The following CYSLTR2 variants were observed in gnomAD, a reference collection of about 807,000 sequenced individuals.
CYSLTR2 encodes cysteinyl leukotriene receptor 2, also known as G-protein coupled receptor GPCR21.
For synonymous variants in CYSLTR2, 179 were observed against 160.8 expected (o/e 1.11, Z -0.86); for missense variants, 398 against 411.9 (o/e 0.97, Z 0.29).
intron 1 of CYSLTR2, among the ~76,000 whole-genome samples, chr13:48,657,538 GA>G (rs1202475915): frequency 2.0e-5 from 3 of 151,864 alleles, no homozygotes; most frequent in African/African-American, 7.3e-5. Context: ...TGGAAAAGGA[GA>G]GAGGAAAAGA....
chr13:48,686,559 A>G (rs1293297371), intron 1 of CYSLTR2, among the ~76,000 whole-genome samples: 1 of 152,166 alleles, frequency 6.6e-6, no homozygotes, highest in African/African-American at 2.4e-5. Flanking sequence ...AGCAATGAAA[A>G]TATGTCCCGC....
intron 1 of CYSLTR2, among the ~76,000 whole-genome samples, chr13:48,660,502 G>A (rs78238723): frequency 0.06 from 9,106 of 152,176 alleles, 323 homozygotes; most frequent in African/African-American, 0.079. Context: ...AATCAGTGCA[G>A]CAAAATTCTC....
intron 1 of CYSLTR2, among the ~76,000 whole-genome samples, chr13:48,687,626 A>G (rs187651466): frequency 6.6e-6 from 1 of 152,332 alleles, no homozygotes; most frequent in East Asian, 1.9e-4. Flanking sequence ...AACCCTAACT[A>G]AAACACATAG....
chr13:48,655,405 A>G (rs1179588937), intron 1 of CYSLTR2, among the ~76,000 whole-genome samples: 3 of 152,190 alleles, frequency 2.0e-5, no homozygotes, highest in Admixed American at 6.5e-5. Flanking sequence ...TAGACATGGC[A>G]TTTACCTTCT....
intron 1 of CYSLTR2, among the ~76,000 whole-genome samples, chr13:48,675,212 A>T (rs900154146): frequency 6.6e-6 from 1 of 152,172 alleles, no homozygotes; most frequent in Admixed American, 6.5e-5. Flanking sequence ...GCAGGCAGGA[A>T]CGTTTAAGTC....
chr13:48,691,562 C>T (rs554991250), intron 2 of CYSLTR2, among the ~76,000 whole-genome samples: 1 of 152,048 alleles, frequency 6.6e-6, no homozygotes, highest in Admixed American at 6.6e-5. Flanking sequence ...AACTCTTAGA[C>T]AAGACAACTA....
chr13:48,705,993 G>GT (rs1477157577), intron 4 of CYSLTR2, among the ~76,000 whole-genome samples: 29 of 125,792 alleles, frequency 2.3e-4, no homozygotes, highest in South Asian at 2.7e-4. Context: ...GTTTTGTTTT[G>GT]TTGTTGTTTT....
intron 3 of CYSLTR2, chr13:48,694,756 A>G (rs1954122806): frequency 6.6e-6 from 1 of 152,192 alleles, no homozygotes; most frequent in Admixed American, 6.5e-5. Flanking sequence ...GCCTTCTGTC[A>G]TCTTCCTGGG....
Position 48,707,172 on chromosome 13 carries a change from T to C in CYSLTR2, c.355T>C (p.Tyr119His), listed in dbSNP as rs747430606. 3.1e-6 allele frequency: 5 copies of C among 1,614,256 alleles called. No individual in the cohort carries two copies. The South Asian group carries it at 3.3e-5, about 11-fold the overall frequency. The stretch of plus-strand genomic sequence containing the variant: ...CTGCAGGATTATGTCTTATTCCTTG[T>C]ATGTCAACATGTACAGCAGTATTTA... The part of the protein sequence containing the change: ...LACRIMSYSL[Y>H]VNMYSSIYFL... The change falls in exon 5 of 5, where the codon TAT (tyrosine) becomes CAT (histidine). Residue 119 changes from tyrosine (Y) to histidine (H), a missense_variant. Physicochemically the swap from Tyr to His is moderately conservative, Grantham distance 83. Coordinates refer to ENST00000682523, the MANE Select transcript of CYSLTR2 (RefSeq NM_001308476.3).
At chr13:48,657,620 C>T (rs1182087568) in intron 1 of CYSLTR2, among the ~76,000 whole-genome samples, 2 of 151,432 alleles carry the variant, frequency 1.3e-5, no homozygotes, top group African/African-American at 4.9e-5. Flanking sequence ...ATAATTTAGT[C>T]CACCATTATT....
At chr13:48,666,838 CTT>C (rs1386977040) in intron 1 of CYSLTR2, among the ~76,000 whole-genome samples, 2 of 152,096 alleles carry the variant, frequency 1.3e-5, no homozygotes, top group African/African-American at 2.4e-5. Flanking sequence ...TCTGTATTCT[CTT>C]ATATCTCACT....
chr13:48,701,585 C>G (rs1457112700), intron 4 of CYSLTR2, among the ~76,000 whole-genome samples: 1 of 152,158 alleles, frequency 6.6e-6, no homozygotes, highest in East Asian at 1.9e-4. Flanking sequence ...ACAACCCCAT[C>G]AAAAAGTGGG....
chr13:48,676,516 G>T (rs1157851445), intron 1 of CYSLTR2, among the ~76,000 whole-genome samples: 1 of 152,210 alleles, frequency 6.6e-6, no homozygotes, highest in African/African-American at 2.4e-5. Flanking sequence ...TACATATAGA[G>T]TAGGGACAAA....
intron 1 of CYSLTR2, among the ~76,000 whole-genome samples, chr13:48,657,956 C>A (rs1953039301): frequency 1.3e-5 from 2 of 151,982 alleles, no homozygotes; most frequent in South Asian, 4.1e-4. Flanking sequence ...ATCCCAGATT[C>A]TTTTAAGTAA....
intron 1 of CYSLTR2, among the ~76,000 whole-genome samples, chr13:48,670,391 T>C (rs902927839): frequency 2.0e-5 from 3 of 152,232 alleles, no homozygotes; most frequent in African/African-American, 7.2e-5. Context: ...GGTTTTCCTT[T>C]AGGGTTTTTA....
chr13:48,697,417 A>G (rs773638232), intron 4 of CYSLTR2, among the ~76,000 whole-genome samples: 3 of 152,238 alleles, frequency 2.0e-5, no homozygotes, highest in Non-Finnish European at 4.4e-5. Context: ...GTGGACCTCC[A>G]GCAAATTCCA....
chr13:48,679,610 A>T (rs1432480717), intron 1 of CYSLTR2, among the ~76,000 whole-genome samples: 1 of 152,216 alleles, frequency 6.6e-6, no homozygotes, highest in Non-Finnish European at 1.5e-5. Context: ...GTTATCAAGT[A>T]AGAGTAGCAA....
At chr13:48,659,423 C>T (rs1953074494) in intron 1 of CYSLTR2, among the ~76,000 whole-genome samples, 1 of 152,162 alleles carries the variant, frequency 6.6e-6, no homozygotes, top group Non-Finnish European at 1.5e-5. Context: ...CAGAGGTTTT[C>T]CATGATATCG....
At chr13:48,668,852 A>ATGCGG (rs1280712728) in intron 1 of CYSLTR2, among the ~76,000 whole-genome samples, 2 of 152,124 alleles carry the variant, frequency 1.3e-5, no homozygotes, top group East Asian at 3.9e-4. Flanking sequence ...GAGTGAGAAC[A>ATGCGG]TGCGGTGTTT....
Sources: gnomAD v4.1 joint callset for allele counts (sites outside exome capture counted in the v4.1 genomes callset) on GRCh38, gnomAD v4.1.1 for gene constraint, MANE v1.5 for transcripts, NCBI Gene and HGNC (gene_info 2026-07-23, HGNC 2026-07-21) for gene names.